Variants in MED23 observed in about 807,000 individuals in gnomAD.
MED23 encodes mediator of RNA polymerase II transcription subunit 23.
A neutral mutation model predicts 163.9 loss-of-function variants in MED23; 105 were observed. That is an observed-to-expected ratio of 0.64 (90% CI 0.55 to 0.75). MED23 has a LOEUF of 0.75. MED23 is among the 30% of genes least tolerant of loss of function. The pLI, the probability that MED23 is intolerant of heterozygous loss-of-function variation, is 0.00. For missense variants in MED23, 1,054 were observed against 1,649.0 expected (o/e 0.64, Z 6.25); for synonymous variants, 561 against 565.6 (o/e 0.99, Z 0.12).
At chr6:131,579,130 T>A (rs1415873396) in intron 30 of MED23, 1 of 1,614,170 alleles carries the variant, frequency 6.2e-7, no homozygotes, top group Non-Finnish European at 8.5e-7. Context: ...TGAAGGATTA[T>A]GGGGACCTGC....
At chr6:131,617,464 C>CTT (rs11289798) in intron 9 of MED23, among the ~76,000 whole-genome samples, 1 of 142,962 alleles carries the variant, frequency 7.0e-6, no homozygotes. Context: ...CATTAAATTT[C>CTT]TTTTTTTTTT....
chr6:131,610,561 GA>G (rs1359195002), intron 10 of MED23, among the ~76,000 whole-genome samples: 1 of 151,974 alleles, frequency 6.6e-6, no homozygotes, highest in Non-Finnish European at 1.5e-5. Flanking sequence ...TTATCCTTTG[GA>G]AAAAGATAAC....
At chr6:131,617,041 T>C (rs536754420) in intron 9 of MED23, among the ~76,000 whole-genome samples, 1 of 151,702 alleles carries the variant, frequency 6.6e-6, no homozygotes, top group South Asian at 2.1e-4. Context: ...CTAGTTATAT[T>C]TGTTAATTTT....
chr6:131,587,274 C>T lies in MED23; in HGVS notation c.*405G>A. 2.9e-6 allele frequency: 3 copies of T among 1,033,344 alleles called. No homozygotes were observed. Among genetic ancestry groups the T allele is most frequent in the South Asian group, 3.6e-5 (1 of 27,780 alleles). The allele number at this position is 1,033,344 out of a possible 1,614,324, so 64.0% of individuals were successfully genotyped here. A position where few individuals can be genotyped will look rare whatever the true frequency, so the allele number is the denominator to read the frequency against. ...TTTATGTATAAAATATTTGTAATAACTGTTTTACATGTGTGGTGCCTTTAA... is the reference window on the plus strand; with the variant it reads ...TTTATGTATAAAATATTTGTAATAATTGTTTTACATGTGTGGTGCCTTTAA... On this transcript the variant is annotated 3_prime_UTR_variant, in exon 29 of 29. Coordinates refer to ENST00000368068, the MANE Select transcript of MED23 (RefSeq NM_004830.4).
chr6:131,611,205 A>T (rs758558451), intron 10 of MED23, among the ~76,000 whole-genome samples: 1 of 152,080 alleles, frequency 6.6e-6, no homozygotes, highest in Non-Finnish European at 1.5e-5. Context: ...TGAAAAAGGG[A>T]TATGATTTTT....
At chr6:131,622,647 A>G (rs932617108) in intron 5 of MED23, among the ~76,000 whole-genome samples, 21 of 152,392 alleles carry the variant, frequency 1.4e-4, no homozygotes, top group Middle Eastern at 3.4e-3. Context: ...AGAAAATTGC[A>G]TAAGTCTGAG....
rs1774426068 is a variant in MED23 at position 131,589,447 on chromosome 6, T to G, written c.3939+18A>C. The G allele has an allele frequency of 6.2e-7, 1 of 1,603,344 alleles. No homozygotes were observed. Among genetic ancestry groups the G allele is most frequent in the Non-Finnish European group, 8.5e-7 (1 of 1,173,326 alleles). ...TAAATTAAACATCATTAAAAATAAT[T>G]AAACAAATTCAACTTACTTGCTCTT... On this transcript the variant is annotated intron_variant, in intron 28 of 28. Coordinates refer to ENST00000368068, the MANE Select transcript of MED23 (RefSeq NM_004830.4).
At chr6:131,583,277 A>G, downstream of MED23, 1 of 1,609,466 alleles carries the variant, frequency 6.2e-7, no homozygotes, top group Non-Finnish European at 8.5e-7. Flanking sequence ...ACTTTTTATA[A>G]AACAAGTTAA....
intron 15 of MED23, among the ~76,000 whole-genome samples, chr6:131,603,741 T>C (rs1313316025): frequency 6.8e-6 from 1 of 148,126 alleles, no homozygotes; most frequent in Non-Finnish European, 1.5e-5. Context: ...TCTATTATTT[T>C]AGAACTATAT....
chr6:131,609,331 C>T (rs920688691), intron 11 of MED23, among the ~76,000 whole-genome samples: 5 of 152,034 alleles, frequency 3.3e-5, no homozygotes, highest in Admixed American at 1.3e-4. Flanking sequence ...TCAACGATTT[C>T]CCCTTTATAT....
At chr6:131,584,242 G>A, downstream of MED23, 1 of 278,462 alleles carries the variant, frequency 3.6e-6, no homozygotes, top group East Asian at 9.5e-5. Context: ...TTGGAATCAG[G>A]AGACAAAGCT....
chr6:131,626,138 A>AG (rs1232924445), intron 3 of MED23, among the ~76,000 whole-genome samples: 2 of 151,340 alleles, frequency 1.3e-5, no homozygotes, highest in Admixed American at 1.3e-4. Flanking sequence ...AAAAAAAAAA[A>AG]AAGAAAAGAA....
chr6:131,587,208 C>T lies in MED23; in HGVS notation c.*471G>A. On this transcript the variant is annotated 3_prime_UTR_variant, in exon 29 of 29. Coordinates refer to ENST00000368068, the MANE Select transcript of MED23 (RefSeq NM_004830.4). ...ATGCAACAAAATCTAGATTCCTTTT[C>T]TTGATATAAATCTCTATTATTCTGA... 1 of 1,087,056 alleles carries T rather than the reference C, an allele frequency of 9.2e-7. No homozygotes were observed. Among genetic ancestry groups the T allele is most frequent in the Non-Finnish European group, 1.1e-6 (1 of 878,598 alleles). The allele number at this position is 1,087,056 out of a possible 1,614,324, so 67.3% of individuals were successfully genotyped here. A position where few individuals can be genotyped will look rare whatever the true frequency, so the allele number is the denominator to read the frequency against.
In MED23 at chr6:131,586,882, A is replaced by C. The variant is rs776487190; in HGVS notation, c.*797T>G. On this transcript the variant is annotated 3_prime_UTR_variant, in exon 29 of 29. Coordinates refer to ENST00000368068, the MANE Select transcript of MED23 (RefSeq NM_004830.4). ...GTATTTACAAATATAAAATTTAAAA[A>C]TTTTAAGATTATAAAAATTGAAGAA... 1.4e-6 allele frequency: 2 copies of C among 1,457,958 alleles called. No homozygotes were observed. Among genetic ancestry groups the C allele is most frequent in the Non-Finnish European group, 1.9e-6 (2 of 1,078,248 alleles). 90.3% of individuals were successfully genotyped at this position (1,457,958 alleles called of 1,614,324 possible).
In MED23 at chr6:131,602,309, G is replaced by A; in HGVS notation, c.2004C>T (p.Phe668=). The A allele has an allele frequency of 6.2e-7, 1 of 1,613,912 alleles. No individual in the cohort carries two copies. Among genetic ancestry groups the A allele is most frequent in the Non-Finnish European group, 8.5e-7 (1 of 1,179,834 alleles). ...SSEVQPQFTR[F]LSDPKTVLSA... is the part of the protein sequence containing the mutation. ...AGAGCACTGTTTTGGGATCACTAAG[G>A]AAGCGTGTAAACTGCGGTTGTACCT... is the stretch of plus-strand genomic sequence containing the variant. Residue 668 remains phenylalanine (F), a synonymous_variant, in exon 17 of 29, where the codon TTC becomes TTT. Coordinates refer to ENST00000368068, the MANE Select transcript of MED23 (RefSeq NM_004830.4).
chr6:131,604,135 T>C (rs1383771067), intron 15 of MED23, 43 bp downstream of exon 15: 1 of 1,608,496 alleles, frequency 6.2e-7, no homozygotes, highest in East Asian at 2.2e-5. Flanking sequence ...TTAGAGTTAA[T>C]GAATGGGTTA....
At chr6:131,605,574 A>G in intron 13 of MED23, 89 bp from the exon 14 acceptor site, 1 of 1,162,682 alleles carries the variant, frequency 8.6e-7, no homozygotes, top group East Asian at 2.6e-5. Context: ...ATTTTATGCA[A>G]TTATTTATTA....
Position 131,608,253 on chromosome 6 carries a change from A to G in MED23, c.1078-182T>C, listed in dbSNP as rs566089472. 5.3e-5 allele frequency among the ~76,000 whole-genome samples: 8 copies of G among 152,186 alleles called. No individual in the cohort carries two copies. In the South Asian group the frequency reaches 1.7e-3, roughly 32 times the overall value. On this transcript the variant is annotated intron_variant, in intron 11 of 28. Transcript: ENST00000368068. ...CTCAATTCAAGACACACCATGCAAA[A>G]CCTGCTAAATTATTTTAATATTATA...
At chr6:131,594,896 CG>C (rs1418776777) in intron 22 of MED23, among the ~76,000 whole-genome samples, 18 of 152,310 alleles carry the variant, frequency 1.2e-4, no homozygotes, top group African/African-American at 4.1e-4. Flanking sequence ...TGGCTGCCTA[CG>C]AAAGAAACTG....
Sources: allele counts gnomAD v4.1 joint callset (sites outside exome capture counted in the v4.1 genomes callset), GRCh38; gene constraint gnomAD v4.1.1; transcripts MANE v1.5; gene names NCBI Gene and HGNC (gene_info 2026-07-23, HGNC 2026-07-21).